Variants in EXOC4 observed in about 807,000 individuals in gnomAD.
The protein encoded by EXOC4 is SEC8-like 1.
A neutral mutation model predicts 107.2 loss-of-function variants in EXOC4; 71 were observed. The ratio of observed to expected loss-of-function variants is 0.66; its 90% CI spans 0.55 to 0.81. The LOEUF (loss-of-function observed/expected upper bound fraction) is 0.81, where lower values mean the gene tolerates loss of function less well. Among genes scored for constraint, EXOC4 ranks in the 30% least tolerant of loss-of-function variants. EXOC4 has a pLI of 0.00. For missense variants in EXOC4, 1,108 were observed against 1,189.6 expected (o/e 0.93, Z 1.01); for synonymous variants, 456 against 441.2 (o/e 1.03, Z -0.42).
chr7:133,884,581 CTG>C (rs34350149), intron 11 of EXOC4, among the ~76,000 whole-genome samples: 24,733 of 143,470 alleles, frequency 0.17, 2,583 homozygotes, highest in East Asian at 0.43. Context: ...GCCCTATGCT[CTG>C]TGTGTGTGTG....
chr7:133,812,974 A>G (rs1324945822), intron 10 of EXOC4, among the ~76,000 whole-genome samples: 1 of 151,976 alleles, frequency 6.6e-6, no homozygotes, highest in East Asian at 1.9e-4. Flanking sequence ...CAGCCTTAAT[A>G]TTTCTCTTTC....
At chr7:133,434,905 C>A (rs1167962978) in intron 7 of EXOC4, among the ~76,000 whole-genome samples, 1 of 152,146 alleles carries the variant, frequency 6.6e-6, no homozygotes, top group Non-Finnish European at 1.5e-5. Flanking sequence ...AAACTCCTAA[C>A]TATTGTGTGA....
intron 10 of EXOC4, among the ~76,000 whole-genome samples, chr7:133,708,759 A>G (rs1465866449): frequency 6.6e-6 from 1 of 152,330 alleles, no homozygotes; most frequent in South Asian, 2.1e-4. Flanking sequence ...TTATTAACAG[A>G]TTCATCAAGT....
At chr7:133,521,602 C>T (rs1220639007) in intron 9 of EXOC4, among the ~76,000 whole-genome samples, 1 of 151,552 alleles carries the variant, frequency 6.6e-6, no homozygotes, top group East Asian at 1.9e-4. Flanking sequence ...ATTTCAGTTC[C>T]GTGTTTTTTT....
At chr7:133,993,136 G>C (rs1430432958) in intron 14 of EXOC4, among the ~76,000 whole-genome samples, 1 of 152,046 alleles carries the variant, frequency 6.6e-6, no homozygotes, top group Non-Finnish European at 1.5e-5. Flanking sequence ...TTAATGTGTT[G>C]TCAAATTCTA....
intron 6 of EXOC4, among the ~76,000 whole-genome samples, chr7:133,364,417 GGT>G (rs113533125): frequency 0.3 from 45,254 of 151,622 alleles, 7,583 homozygotes; most frequent in African/African-American, 0.46. Flanking sequence ...TGGGATTACA[GGT>G]GTGAGCCACC....
At chr7:133,885,792 T>C (rs183487107) in intron 11 of EXOC4, among the ~76,000 whole-genome samples, 1 of 152,172 alleles carries the variant, frequency 6.6e-6, no homozygotes, top group African/African-American at 2.4e-5. Flanking sequence ...TCACTCGTAA[T>C]TTAGTGTGGT....
intron 14 of EXOC4, among the ~76,000 whole-genome samples, chr7:133,954,377 TA>T (rs1800766402): frequency 6.6e-6 from 1 of 152,254 alleles, no homozygotes; most frequent in Non-Finnish European, 1.5e-5. Flanking sequence ...AAATATTAGC[TA>T]ATACATGTTG....
rs146635178 is a variant in EXOC4, at chr7:133,764,315, C to T, written c.1515-53010C>T. On this transcript the variant is annotated intron_variant, in intron 10 of 17. Coordinates refer to ENST00000253861, the MANE Select transcript of EXOC4 (RefSeq NM_021807.4). ...ACAGTCTAATAATTTTTCTGATACT[C>T]CCACCATTAAAAAAACCTATGCTCT... 4.8e-3 allele frequency among the ~76,000 whole-genome samples: 733 copies of T among 152,082 alleles called. 4 individuals carry two copies. The highest frequency in any genetic ancestry group is 0.017 in the Middle Eastern group (5 of 294).
intron 14 of EXOC4, among the ~76,000 whole-genome samples, chr7:133,974,973 T>G (rs1310077828): frequency 6.6e-6 from 1 of 152,166 alleles, no homozygotes; most frequent in African/African-American, 2.4e-5. Flanking sequence ...AAGTACCAGA[T>G]GGACCATTTG....
At chr7:134,029,495 GATT>G (rs1795221045) in intron 17 of EXOC4, among the ~76,000 whole-genome samples, 1 of 152,060 alleles carries the variant, frequency 6.6e-6, no homozygotes, top group East Asian at 1.9e-4. Context: ...TCTATTGATT[GATT>G]GATTGATTGA....
intron 10 of EXOC4, among the ~76,000 whole-genome samples, chr7:133,647,463 AC>A (rs1479303803): frequency 6.6e-6 from 1 of 151,992 alleles, no homozygotes; most frequent in Non-Finnish European, 1.5e-5. Flanking sequence ...AAATAGTATC[AC>A]CCCCGTTTTA....
At chr7:133,788,274 C>T (rs553025616) in intron 10 of EXOC4, among the ~76,000 whole-genome samples, 1 of 151,708 alleles carries the variant, frequency 6.6e-6, no homozygotes, top group Non-Finnish European at 1.5e-5. Flanking sequence ...ACTTTTATTG[C>T]AGTGCCAATC....
chr7:133,679,497 G>T (rs931343673), intron 10 of EXOC4, among the ~76,000 whole-genome samples: 1 of 151,838 alleles, frequency 6.6e-6, no homozygotes, highest in African/African-American at 2.4e-5. Context: ...CCTTTAGCCT[G>T]ATGTTCCAGG....
chr7:133,883,853 G>A (rs184288559), intron 11 of EXOC4, among the ~76,000 whole-genome samples: 1 of 152,286 alleles, frequency 6.6e-6, no homozygotes, highest in East Asian at 1.9e-4. Flanking sequence ...AGTCATCTTA[G>A]TAAAAACAGG....
intron 9 of EXOC4, among the ~76,000 whole-genome samples, chr7:133,539,598 G>A (rs1800341380): frequency 6.7e-6 from 1 of 148,816 alleles, no homozygotes; most frequent in Non-Finnish European, 1.5e-5. Flanking sequence ...TGGGGTGGGG[G>A]GGTATATATA....
At chr7:134,008,150 AG>A (rs1794687284) in intron 17 of EXOC4, among the ~76,000 whole-genome samples, 1 of 152,236 alleles carries the variant, frequency 6.6e-6, no homozygotes, top group South Asian at 2.1e-4. Flanking sequence ...GATACAAAGA[AG>A]AATATAAACC....
chr7:134,063,765 A>G (rs1338725012), intron 17 of EXOC4, among the ~76,000 whole-genome samples: 2 of 152,314 alleles, frequency 1.3e-5, no homozygotes, highest in East Asian at 3.9e-4. Flanking sequence ...AATAATCTTT[A>G]TGAAGCACCA....
downstream of EXOC4, among the ~76,000 whole-genome samples, chr7:134,070,710 G>A (rs550319766): frequency 1.4e-4 from 22 of 152,036 alleles, no homozygotes; most frequent in Admixed American, 1.1e-3. Flanking sequence ...ACCTAAGAAC[G>A]CAATGACTTG....
Sources: allele counts gnomAD v4.1 joint callset (sites outside exome capture counted in the v4.1 genomes callset), GRCh38; gene constraint gnomAD v4.1.1; transcripts MANE v1.5; gene names NCBI Gene and HGNC (gene_info 2026-07-23, HGNC 2026-07-21).